Variants in ZNF205 observed in about 807,000 individuals in gnomAD.
ZNF205 encodes transcriptional repressor RHIT.
In ZNF205, 32 loss-of-function variants were observed where a neutral mutation model predicts 53.6. The ratio of observed to expected loss-of-function variants is 0.60; its 90% CI spans 0.45 to 0.80. The LOEUF is 0.80. Ranked by LOEUF, ZNF205 falls within the 30% of genes least tolerant of loss-of-function variation. ZNF205 has a pLI of 0.00. For synonymous variants in ZNF205, 382 were observed against 334.3 expected (o/e 1.14, Z -1.56); for missense variants, 836 against 782.4 (o/e 1.07, Z -0.82).
In ZNF205 at chr16:3,119,928, C is replaced by T. The variant is rs900527781; in HGVS notation, c.1268C>T (p.Pro423Leu). ...THTGAKPHKCPICAKCFTQSS... is the reference protein window; with the variant it reads ...THTGAKPHKCLICAKCFTQSS... Reference sequence around the variant, plus strand: ...ACGGGCGCCAAGCCGCACAAGTGCCCCATCTGCGCCAAGTGCTTCACGCAG... The same window carrying T: ...ACGGGCGCCAAGCCGCACAAGTGCCTCATCTGCGCCAAGTGCTTCACGCAG... Residue 423 changes from proline to leucine, a missense_variant, in exon 7 of 7, where the codon CCC becomes CTC. Physicochemically the swap from Pro to Leu is moderately conservative, Grantham distance 98. Transcript: ENST00000219091. The T allele has an allele frequency of 6.2e-7, 1 of 1,613,598 alleles. No homozygotes were observed. Among genetic ancestry groups the T allele is most frequent in the Non-Finnish European group, 8.5e-7 (1 of 1,179,928 alleles).
chr16:3,118,704 G>A (rs1957376524), intron 5 of ZNF205, among the ~76,000 whole-genome samples: 1 of 152,210 alleles, frequency 6.6e-6, no homozygotes, highest in South Asian at 2.1e-4. Flanking sequence ...CAGGGAAAGA[G>A]GAGACAGGCC....
intron 5 of ZNF205, among the ~76,000 whole-genome samples, chr16:3,117,651 C>T (rs987387535): frequency 6.6e-6 from 1 of 151,278 alleles, no homozygotes. Flanking sequence ...TGGGATCTCG[C>T]TATGTTGCCC....
intron 2 of ZNF205, 35 bp from the exon 3 acceptor site, chr16:3,115,315 CTCCCA>C: frequency 6.8e-7 from 1 of 1,476,074 alleles, no homozygotes. Flanking sequence ...CTGGGTGTCT[CTCCCA>C]CTCATCTGGG....
intron 5 of ZNF205, among the ~76,000 whole-genome samples, chr16:3,117,030 G>A (rs1237461914): frequency 2.0e-5 from 3 of 152,276 alleles, no homozygotes; most frequent in South Asian, 2.1e-4. Context: ...TCCTGAACTC[G>A]TGATCCACCT....
chr16:3,119,836 C>T lies in ZNF205; in HGVS notation c.1176C>T (p.Tyr392=), dbSNP rs757125615. 9 of 1,613,416 alleles carry T rather than the reference C, an allele frequency of 5.6e-6. No homozygotes were observed. The highest frequency in any genetic ancestry group is 5.9e-6 in the Non-Finnish European group (7 of 1,179,858). Residue 392 remains tyrosine (Y), a synonymous_variant, in exon 7 of 7, where the codon TAC becomes TAT. Transcript: ENST00000219091. ...HQRIHTGEKP[Y]VCDRCAKRFT... The stretch of plus-strand genomic sequence containing the variant: ...GCATCCACACCGGAGAGAAGCCCTA[C>T]GTGTGCGACCGCTGCGCCAAGCGCT...
rs1596295539 is a variant in ZNF205 at position 3,112,700 on chromosome 16, G to A, written c.-15+18G>A. On this transcript the variant is annotated intron_variant, in intron 1 of 6. Transcript: ENST00000219091. The stretch of plus-strand genomic sequence containing the variant: ...CCACCCCGGTGAGAAGGGGGTGCTG[G>A]GGAGGGCATCTGGATCCCGAGACCG... The A allele has an allele frequency of 3.5e-6, 1 of 287,932 alleles. No homozygotes were observed. The highest frequency in any genetic ancestry group is 8.6e-5 in the East Asian group (1 of 11,568). The allele number at this position is 287,932 out of a possible 1,614,324, so 17.8% of individuals were successfully genotyped here.
chr16:3,115,177 G>A (rs1321437728), intron 2 of ZNF205, 178 bp from the exon 3 acceptor site: 6 of 456,136 alleles, frequency 1.3e-5, no homozygotes, highest in Middle Eastern at 5.9e-4. Flanking sequence ...GAGGCGGCTT[G>A]GTGAATATTC....
At chr16:3,113,342 C>G in intron 1 of ZNF205, 75 bp from the exon 2 acceptor site, 1 of 1,499,220 alleles carries the variant, frequency 6.7e-7, no homozygotes, top group Non-Finnish European at 9.2e-7. Context: ...TCTGTCTGCT[C>G]TTCTAGGCTC....
At chr16:3,116,658 G>A in intron 5 of ZNF205, 111 bp downstream of exon 5, 2 of 1,433,732 alleles carry the variant, frequency 1.4e-6, no homozygotes, top group Non-Finnish European at 1.9e-6. Flanking sequence ...CTTGTCCCTT[G>A]AGACAGCACT....
intron 3 of ZNF205, 45 bp downstream of exon 3, chr16:3,115,613 G>A (rs1197648410): frequency 1.3e-6 from 2 of 1,534,222 alleles, no homozygotes; most frequent in East Asian, 2.4e-5. Context: ...GGAGGCAGCT[G>A]TGGGGAGGTG....
chr16:3,119,065 G>A, intron 6 of ZNF205, 50 bp downstream of exon 6: 5 of 1,591,074 alleles, frequency 3.1e-6, no homozygotes, highest in Non-Finnish European at 3.4e-6. Context: ...CGCAGACGCA[G>A]GCCTTCTGGC....
At chr16:3,119,064 A>G in intron 6 of ZNF205, 49 bp downstream of exon 6, 1 of 1,593,500 alleles carries the variant, frequency 6.3e-7, no homozygotes, top group Non-Finnish European at 8.6e-7. Flanking sequence ...GCGCAGACGC[A>G]GGCCTTCTGG....
rs1957415430 is a variant in ZNF205 at position 3,120,459 on chromosome 16, G to C, written c.*134G>C. On this transcript the variant is annotated 3_prime_UTR_variant, in exon 7 of 7. Transcript: ENST00000219091. Reference sequence around the variant, plus strand: ...GGGCATGGGGTGAGGCATGGCGATGGGGGAGGGCGAGGGCGAGAAAGGGCA... The same window carrying C: ...GGGCATGGGGTGAGGCATGGCGATGCGGGAGGGCGAGGGCGAGAAAGGGCA... 9.1e-7 allele frequency: 1 copy of C among 1,100,566 alleles called. No homozygotes were observed. The highest frequency in any genetic ancestry group is 2.9e-5 in the Admixed American group (1 of 34,308). 68.2% of individuals were successfully genotyped at this position (1,100,566 alleles called of 1,614,324 possible). A position where few individuals can be genotyped will look rare whatever the true frequency, so the allele number is the denominator to read the frequency against.
intron 5 of ZNF205, among the ~76,000 whole-genome samples, chr16:3,117,774 C>CAAGAAA (rs1360960387): frequency 6.6e-6 from 1 of 151,790 alleles, no homozygotes; most frequent in Non-Finnish European, 1.5e-5. Flanking sequence ...TTTGACTCCT[C>CAAGAAA]AATTCCAGAC....
chr16:3,116,335 A>G, intron 4 of ZNF205, 92 bp from the exon 5 acceptor site: 8 of 1,557,926 alleles, frequency 5.1e-6, no homozygotes, highest in Non-Finnish European at 6.1e-6. Context: ...GTGGGTTGGG[A>G]GTCCGGGGTC....
In ZNF205 at chr16:3,118,970, AGCCGGCAG is replaced by A; in HGVS notation, c.553_560del (p.Gln186ArgfsTer2). ...CGGCAAGGGTGAGGCCTCGGGCTCC[AGCCGGCAG>A]GCAGGAGATGAGAAGGAGTGGAGAG... On this transcript the variant is annotated frameshift_variant, in exon 6 of 7. Transcript: ENST00000219091. LOFTEE classifies it high-confidence loss of function. The A allele has an allele frequency of 1.2e-6, 2 of 1,613,670 alleles. No homozygotes were observed. Among genetic ancestry groups the A allele is most frequent in the Non-Finnish European group, 1.7e-6 (2 of 1,179,968 alleles).
At position 3,116,355 on chromosome 16, in the gene ZNF205, A is replaced by G; in HGVS notation, c.364-72A>G. 3 of 1,590,524 alleles carry G rather than the reference A, an allele frequency of 1.9e-6. No individual in the cohort carries two copies. In the South Asian group the frequency reaches 3.4e-5, roughly 18 times the overall value. On this transcript the variant is annotated intron_variant, in intron 4 of 6. Transcript: ENST00000219091. ...TTGGGAGTCCGGGGTCTCACCACAC[A>G]TCTCATGCCATGGTGTCCCTCCACC...
intron 1 of ZNF205, 92 bp from the exon 2 acceptor site, chr16:3,113,325 G>T: frequency 7.9e-7 from 1 of 1,261,620 alleles, no homozygotes; most frequent in Non-Finnish European, 1.1e-6. Context: ...GGAAGCGAGG[G>T]CTGGTTTCTG....
chr16:3,115,330 G>C (rs1413284897), intron 2 of ZNF205, 25 bp from the exon 3 acceptor site: 2 of 1,532,528 alleles, frequency 1.3e-6, no homozygotes, highest in African/African-American at 1.4e-5. Flanking sequence ...ACTCATCTGG[G>C]TGCTGATGGG....
Sources: allele counts gnomAD v4.1 joint callset (sites outside exome capture counted in the v4.1 genomes callset), GRCh38; gene constraint gnomAD v4.1.1; transcripts MANE v1.5; gene names NCBI Gene and HGNC (gene_info 2026-07-23, HGNC 2026-07-21).